Variants in TNRC6C observed in about 807,000 individuals in gnomAD.
TNRC6C encodes trinucleotide repeat containing adaptor 6C.
In TNRC6C, 20 loss-of-function variants were observed where a neutral mutation model predicts 153.7. The observed-to-expected ratio is 0.13, with a 90% CI of 0.09 to 0.19. The LOEUF (loss-of-function observed/expected upper bound fraction) is 0.19, where lower values mean the gene tolerates loss of function less well. Among genes scored for constraint, TNRC6C ranks in the 10% least tolerant of loss-of-function variants. TNRC6C has a pLI of 1.00. For missense variants in TNRC6C, 1,987 were observed against 2,172.0 expected, an observed-to-expected ratio of 0.91 and a Z score of 1.69; for synonymous variants, 811 against 841.4, an observed-to-expected ratio of 0.96 and a Z score of 0.63.
At chr17:78,035,235 G>A (rs1484616816) in intron 2 of TNRC6C, among the ~76,000 whole-genome samples, 1 of 152,168 alleles carries the variant, frequency 6.6e-6, no homozygotes, top group Non-Finnish European at 1.5e-5. Flanking sequence ...GATTGTAGGT[G>A]AGCATCAGCA....
At chr17:78,035,691 C>T (rs146071463) in intron 2 of TNRC6C, among the ~76,000 whole-genome samples, 5 of 152,254 alleles carry the variant, frequency 3.3e-5, no homozygotes, top group African/African-American at 9.6e-5. Flanking sequence ...TGCAGTAAAG[C>T]TTTCTCATCA....
chr17:78,038,672 C>A (rs1448552112), intron 2 of TNRC6C, among the ~76,000 whole-genome samples: 1 of 142,468 alleles, frequency 7.0e-6, no homozygotes, highest in Non-Finnish European at 1.5e-5. Flanking sequence ...GAGCGAGACT[C>A]CGTGTCAAAA....
intron 1 of TNRC6C, among the ~76,000 whole-genome samples, chr17:77,972,708 G>T (rs1446803328): frequency 6.6e-6 from 1 of 152,152 alleles, no homozygotes; most frequent in Admixed American, 6.5e-5. Context: ...AATTGGATTA[G>T]TAATTTAAAA....
intron 1 of TNRC6C, among the ~76,000 whole-genome samples, chr17:77,980,256 C>T (rs1054894556): frequency 1.2e-4 from 19 of 152,272 alleles, no homozygotes; most frequent in Non-Finnish European, 1.3e-4. Flanking sequence ...GCACATCCTG[C>T]GCATGTACCT....
At chr17:77,995,741 T>C (rs2071318978) in intron 1 of TNRC6C, among the ~76,000 whole-genome samples, 1 of 152,086 alleles carries the variant, frequency 6.6e-6, no homozygotes, top group Non-Finnish European at 1.5e-5. Context: ...CACACACACG[T>C]GTCATTATAT....
chr17:78,108,106 G>A (rs2073736244), exon 20 of TNRC6C: 1 of 152,256 alleles, frequency 6.6e-6, no homozygotes, highest in Non-Finnish European at 1.5e-5. Flanking sequence ...GGCCTCTGAA[G>A]ACAAACCGAG....
At chr17:77,998,251 C>G (rs1055687622) in intron 1 of TNRC6C, among the ~76,000 whole-genome samples, 1 of 152,094 alleles carries the variant, frequency 6.6e-6, no homozygotes, top group African/African-American at 2.4e-5. Context: ...GTGGACCCTA[C>G]GTGACATAGT....
chr17:78,044,950 C>T (rs936794954), intron 2 of TNRC6C, among the ~76,000 whole-genome samples: 15 of 152,178 alleles, frequency 9.9e-5, no homozygotes, highest in African/African-American at 3.4e-4. Context: ...AGACATTGAG[C>T]CCAGGCAGGG....
chr17:77,981,132 T>C (rs909335050), intron 1 of TNRC6C, among the ~76,000 whole-genome samples: 1 of 152,152 alleles, frequency 6.6e-6, no homozygotes, highest in Non-Finnish European at 1.5e-5. Flanking sequence ...CGTACCATCA[T>C]GCTAGGCTAA....
intron 1 of TNRC6C, among the ~76,000 whole-genome samples, chr17:77,960,648 A>C (rs190346126): frequency 8.8e-4 from 134 of 152,264 alleles, no homozygotes; most frequent in Non-Finnish European, 1.7e-3. Context: ...ATAAATGATA[A>C]AACTTAGCCC....
At chr17:78,089,252 G>C (rs2073353703) in intron 13 of TNRC6C, among the ~76,000 whole-genome samples, 1 of 152,108 alleles carries the variant, frequency 6.6e-6, no homozygotes, top group Admixed American at 6.5e-5. Context: ...ACAGGCGTGA[G>C]CCACCGTGCC....
Position 78,071,170 on chromosome 17 carries a change from C to G in TNRC6C, c.2859+5C>G. ...CTCACAGACATGGGCTTCCCGGTAA[C>G]TGGCGTCGTAGTTTACTGCTACCCA... On this transcript the variant is annotated splice_donor_5th_base_variant and intron_variant, in intron 6 of 19. Transcript: ENST00000301624. 1 of 1,595,926 alleles carries G rather than the reference C, an allele frequency of 6.3e-7. No individual in the cohort carries two copies. Among genetic ancestry groups the G allele is most frequent in the Non-Finnish European group, 8.5e-7 (1 of 1,170,966 alleles).
At chr17:78,051,025 T>C in exon 3 of TNRC6C, 1 of 1,613,316 alleles carries the variant, frequency 6.2e-7, no homozygotes, top group Non-Finnish European at 8.5e-7. Flanking sequence ...AGGTACAAAC[T>C]GGGGGGAGAC....
chr17:77,965,812 C>T (rs892776925), intron 1 of TNRC6C, among the ~76,000 whole-genome samples: 8 of 152,180 alleles, frequency 5.3e-5, no homozygotes, highest in African/African-American at 1.4e-4. Context: ...GGACGCATGT[C>T]AAAATTTTGG....
chr17:77,967,326 A>G (rs2070905297), intron 1 of TNRC6C, among the ~76,000 whole-genome samples: 1 of 152,196 alleles, frequency 6.6e-6, no homozygotes, highest in African/African-American at 2.4e-5. Flanking sequence ...TAATCCCTAC[A>G]TCGTCTATAG....
At chr17:78,003,721 G>A (rs2071449388), upstream of TNRC6C, among the ~76,000 whole-genome samples, 1 of 152,214 alleles carries the variant, frequency 6.6e-6, no homozygotes, top group Admixed American at 6.5e-5. Context: ...TAATGGGGGA[G>A]AAAAGATACA....
chr17:78,048,830 T>C lies in TNRC6C; in HGVS notation c.-218-15T>C. The C allele has an allele frequency of 8.1e-7, 1 of 1,233,182 alleles. No homozygotes were observed. The allele number at this position is 1,233,182 out of a possible 1,614,324, so 76.4% of individuals were successfully genotyped here. ...GTAGAAAATCTAATTTTGAATTTTG[T>C]TTCATCTTTTTCAGATCTCAGTCAT... On this transcript the variant is annotated splice_polypyrimidine_tract_variant and intron_variant, in intron 2 of 19. Coordinates refer to ENST00000301624, the Ensembl canonical transcript of TNRC6C.
rs760093730 is a variant in TNRC6C, at chr17:78,098,331, C to CT, written c.4307-11dup. The CT allele has an allele frequency of 1.9e-5, 31 of 1,601,676 alleles. No individual in the cohort carries two copies. In the Admixed American group the frequency reaches 4.3e-4, roughly 22 times the overall value. ...TCAAGACTGCATATGCTCCATCTCT[C>CT]TGCCTTTCTAGGTAAACTGTCAGAC... On this transcript the variant is annotated splice_polypyrimidine_tract_variant and intron_variant, in intron 16 of 19. Coordinates refer to ENST00000301624, the Ensembl canonical transcript of TNRC6C.
At position 78,104,747 on chromosome 17, in the gene TNRC6C, T is replaced by TCCA; in HGVS notation, c.4975_4976insCCA (p.Trp1659delinsSerArg). On this transcript the variant is annotated protein_altering_variant, in exon 20 of 20. Transcript: ENST00000301624. The surrounding 1 kb of genome is among the most constrained non-coding windows in gnomAD (Gnocchi z 6.2). ...GGTGCCCCAGTACTCCAGCAGCCTG[T>TCCA]GGGGCCCGCCCAGCGCCGACGACAG... 1 of 1,510,018 alleles carries TCCA rather than the reference T, an allele frequency of 6.6e-7. No homozygotes were observed. The highest frequency in any genetic ancestry group is 1.4e-5 in the African/African-American group (1 of 71,460). The allele number at this position is 1,510,018 out of a possible 1,614,324, so 93.5% of individuals were successfully genotyped here. A position where few individuals can be genotyped will look rare whatever the true frequency, so the allele number is the denominator to read the frequency against.
Sources: gnomAD v4.1 joint callset for allele counts (sites outside exome capture counted in the v4.1 genomes callset) on GRCh38, gnomAD v4.1.1 for gene constraint, Gnocchi (gnomAD v3.1) non-coding constraint, MANE v1.5 for transcripts, NCBI Gene and HGNC (gene_info 2026-07-23, HGNC 2026-07-21) for gene names.